Variants in PCDH9 observed in about 807,000 individuals in gnomAD.
PCDH9 encodes the protein protocadherin-9.
A neutral mutation model predicts 70.6 loss-of-function variants in PCDH9; 24 were observed. That is an observed-to-expected ratio of 0.34 (90% CI 0.25 to 0.48). The LOEUF (loss-of-function observed/expected upper bound fraction) is 0.48, where lower values mean the gene tolerates loss of function less well. Among genes scored for constraint, PCDH9 ranks in the 20% least tolerant of loss-of-function variants. PCDH9 has a pLI of 0.99. For missense variants in PCDH9, 1,281 were observed against 1,503.6 expected (o/e 0.85, Z 2.45); for synonymous variants, 562 against 558.5 (o/e 1.01, Z -0.09).
chr13:67,068,515 CT>C (rs1295474905), intron 2 of PCDH9, among the ~76,000 whole-genome samples: 3 of 151,956 alleles, frequency 2.0e-5, no homozygotes, highest in Non-Finnish European at 4.4e-5. Context: ...ATCATAATAC[CT>C]TTAAGAGTGA....
chr13:66,532,168 T>C (rs78048987), intron 4 of PCDH9, among the ~76,000 whole-genome samples: 1 of 84,556 alleles, frequency 1.2e-5, no homozygotes, highest in Non-Finnish European at 2.9e-5. Context: ...TTTTTAGTGG[T>C]TTTTTTTTTT....
At chr13:66,879,722 G>A (rs1367246299) in intron 3 of PCDH9, among the ~76,000 whole-genome samples, 3 of 151,866 alleles carry the variant, frequency 2.0e-5, no homozygotes, top group Admixed American at 6.6e-5. Flanking sequence ...TCCAGATGTA[G>A]AGATATGAAA....
rs1015212179 is a variant in PCDH9 at position 66,925,368 on chromosome 13, A to AT, written c.3037-21764dup. Among the ~76,000 whole-genome samples the AT allele has an allele frequency of 2.0e-5, 3 of 151,744 alleles. No homozygotes were observed. The East Asian group carries it at 5.8e-4, about 29-fold the overall frequency. On this transcript the variant is annotated intron_variant, in intron 2 of 4. Transcript: ENST00000377865. ...ATCTATAATATACACCTTATAAAATATTTTTTTCTCATATGAATTCACTTA... is the reference window on the plus strand; with the variant it reads ...ATCTATAATATACACCTTATAAAATATTTTTTTTCTCATATGAATTCACTTA...
intron 4 of PCDH9, among the ~76,000 whole-genome samples, chr13:66,385,539 CAG>C (rs1161902419): frequency 6.6e-6 from 1 of 152,088 alleles, no homozygotes; most frequent in Non-Finnish European, 1.5e-5. Flanking sequence ...ACAAATTAAC[CAG>C]AGTGTTTAGA....
chr13:66,828,197 G>A (rs1205882649), intron 3 of PCDH9, among the ~76,000 whole-genome samples: 1 of 152,174 alleles, frequency 6.6e-6, no homozygotes, highest in Non-Finnish European at 1.5e-5. Context: ...CAATGAAAGT[G>A]TAAGTGAAAA....
chr13:66,471,595 G>A (rs144124056), intron 4 of PCDH9, among the ~76,000 whole-genome samples: 3 of 152,046 alleles, frequency 2.0e-5, no homozygotes, highest in South Asian at 2.1e-4. Flanking sequence ...TATGTGAAAC[G>A]GCTTACTTGT....
chr13:66,514,489 C>CA (rs57990200), intron 4 of PCDH9, among the ~76,000 whole-genome samples: 74,346 of 132,558 alleles, frequency 0.56, 20,236 homozygotes, highest in East Asian at 0.77. Flanking sequence ...GGAGTGAATT[C>CA]AAAAAAAAAA....
At chr13:66,705,853 C>T (rs965545760) in intron 3 of PCDH9, among the ~76,000 whole-genome samples, 22 of 152,048 alleles carry the variant, frequency 1.4e-4, no homozygotes, top group East Asian at 7.7e-4. Flanking sequence ...CTTAATTTTA[C>T]GTATCATAAA....
chr13:66,992,151 C>G (rs73507310), intron 2 of PCDH9, among the ~76,000 whole-genome samples: 2,802 of 152,134 alleles, frequency 0.018, 84 homozygotes, highest in African/African-American at 0.065. Flanking sequence ...GCAGTGAGCA[C>G]ATTATAACCA....
chr13:66,838,809 T>C (rs2081067694), intron 3 of PCDH9, among the ~76,000 whole-genome samples: 1 of 152,098 alleles, frequency 6.6e-6, no homozygotes, highest in South Asian at 2.1e-4. Flanking sequence ...ATTTCTCTCT[T>C]CTGCTTATAA....
chr13:66,403,636 T>G (rs1389967791), intron 4 of PCDH9, among the ~76,000 whole-genome samples: 2 of 152,028 alleles, frequency 1.3e-5, no homozygotes, highest in East Asian at 3.9e-4. Context: ...CTATCAATAT[T>G]TAGTATATTA....
At chr13:66,806,213 A>G (rs2080407897) in intron 3 of PCDH9, among the ~76,000 whole-genome samples, 1 of 152,162 alleles carries the variant, frequency 6.6e-6, no homozygotes, top group Non-Finnish European at 1.5e-5. Flanking sequence ...AAATATGTTT[A>G]AAATTTGATT....
At chr13:66,494,829 C>G (rs576337420) in intron 4 of PCDH9, among the ~76,000 whole-genome samples, 2 of 152,194 alleles carry the variant, frequency 1.3e-5, no homozygotes, top group African/African-American at 4.8e-5. Flanking sequence ...TTAAATGTTT[C>G]AACCAAAGGC....
intron 4 of PCDH9, among the ~76,000 whole-genome samples, chr13:66,549,748 G>A (rs1473191611): frequency 2.0e-5 from 3 of 152,042 alleles, no homozygotes; most frequent in Non-Finnish European, 2.9e-5. Context: ...GGCTGGGTGT[G>A]TTGCCTCATG....
intron 4 of PCDH9, among the ~76,000 whole-genome samples, chr13:66,591,187 T>C (rs2077034872): frequency 6.6e-6 from 1 of 151,738 alleles, no homozygotes; most frequent in Non-Finnish European, 1.5e-5. Flanking sequence ...CATAATTCAA[T>C]TTTTGTCTTT....
intron 4 of PCDH9, among the ~76,000 whole-genome samples, chr13:66,406,032 A>C (rs1250203830): frequency 1.3e-5 from 2 of 152,142 alleles, no homozygotes; most frequent in Non-Finnish European, 2.9e-5. Flanking sequence ...TTGTTGCCAG[A>C]GTGCTGTATT....
chr13:66,857,122 G>A (rs78377825), intron 3 of PCDH9, among the ~76,000 whole-genome samples: 5 of 151,344 alleles, frequency 3.3e-5, no homozygotes, highest in Non-Finnish European at 5.9e-5. Flanking sequence ...ATTTAATCAC[G>A]CCCATTAAAT....
Position 66,661,051 on chromosome 13 carries a change from T to C in PCDH9, c.3139-29640A>G, listed in dbSNP as rs542851559. 3.7e-4 allele frequency among the ~76,000 whole-genome samples: 57 copies of C among 152,316 alleles called. 1 individual carries two copies. Among genetic ancestry groups the C allele is most frequent in the African/African-American group, 1.4e-3 (57 of 41,574 alleles). On this transcript the variant is annotated intron_variant, in intron 3 of 4. Coordinates refer to ENST00000377865, the MANE Select transcript of PCDH9 (RefSeq NM_203487.3). ...AAAATAATAATTTAACAATTTGATATTTGGAAACAAAATAGTTAAAATAAC... is the reference window on the plus strand; with the variant it reads ...AAAATAATAATTTAACAATTTGATACTTGGAAACAAAATAGTTAAAATAAC...
At chr13:66,861,464 A>G (rs1366537691) in intron 3 of PCDH9, among the ~76,000 whole-genome samples, 1 of 152,180 alleles carries the variant, frequency 6.6e-6, no homozygotes, top group African/African-American at 2.4e-5. Flanking sequence ...TCAATTATTT[A>G]TATATCCTCT....
Sources: allele counts gnomAD v4.1 joint callset (sites outside exome capture counted in the v4.1 genomes callset), GRCh38; gene constraint gnomAD v4.1.1; transcripts MANE v1.5; gene names NCBI Gene and HGNC (gene_info 2026-07-23, HGNC 2026-07-21).